The following PDE8A variants were observed in gnomAD, a reference collection of about 807,000 sequenced individuals.
PDE8A encodes the protein phosphodiesterase 8A, also known as high affinity cAMP-specific and IBMX-insensitive 3',5'-cyclic phosphodiesterase 8A.
Under a neutral mutation model 105.0 loss-of-function variants are expected in PDE8A, and 59 were observed. The ratio of observed to expected loss-of-function variants is 0.56; its 90% CI spans 0.46 to 0.70. The LOEUF (loss-of-function observed/expected upper bound fraction) is 0.70, where lower values mean the gene tolerates loss of function less well. Among genes scored for constraint, PDE8A ranks in the 30% least tolerant of loss-of-function variants. The pLI is 0.00. For synonymous variants in PDE8A, 355 were observed against 371.9 expected (o/e 0.95, Z 0.52); for missense variants, 1,014 against 1,045.9 (o/e 0.97, Z 0.42).
At chr15:85,043,680 TTTTGTTTGTTTGTTTGTTTG>T (rs148058433) in intron 1 of PDE8A, among the ~76,000 whole-genome samples, 5 of 150,122 alleles carry the variant, frequency 3.3e-5, no homozygotes, top group Non-Finnish European at 7.4e-5. Flanking sequence ...ATTAATGGTT[TTTTGTTTGTTTGTTTGTTTG>T]TTTGTTTGTT....
chr15:85,072,165 C>G (rs548857733), intron 3 of PDE8A, among the ~76,000 whole-genome samples: 2 of 152,290 alleles, frequency 1.3e-5, no homozygotes, highest in African/African-American at 4.8e-5. Flanking sequence ...CATTATAAAT[C>G]CCATTCTTTT....
chr15:85,130,520 C>G (rs890023243), intron 20 of PDE8A, among the ~76,000 whole-genome samples: 5 of 152,004 alleles, frequency 3.3e-5, no homozygotes, highest in Non-Finnish European at 7.4e-5. Flanking sequence ...TCCATTTGCA[C>G]TTGAGAAAAA....
chr15:85,036,019 CA>C (rs1376043653), intron 1 of PDE8A, among the ~76,000 whole-genome samples: 6 of 152,060 alleles, frequency 3.9e-5, no homozygotes, highest in African/African-American at 1.2e-4. Flanking sequence ...CTGACAACAC[CA>C]AAAAACAGTC....
At position 85,127,763 on chromosome 15, in the gene PDE8A, A is replaced by AATGCAATCCCAATC. The variant is rs1330145804; in HGVS notation, c.2253+1390_2253+1391insTGCAATCCCAATCA. On this transcript the variant is annotated intron_variant, in intron 20 of 21. Coordinates refer to ENST00000394553, the MANE Select transcript of PDE8A (RefSeq NM_002605.3). ...TCTACCCAAATTGGTGTTTCAATTC[A>AATGCAATCCCAATC]AAAATTTCAGCAGGTTTTTTTTCTG... Among the ~76,000 whole-genome samples the AATGCAATCCCAATC allele has an allele frequency of 4.6e-5, 7 of 152,212 alleles. No individual in the cohort carries two copies. In the East Asian group the frequency reaches 9.6e-4, roughly 21 times the overall value.
intron 1 of PDE8A, among the ~76,000 whole-genome samples, 186 bp downstream of exon 1, chr15:84,982,534 A>T (rs534456032): frequency 6.6e-6 from 1 of 152,134 alleles, no homozygotes; most frequent in Non-Finnish European, 1.5e-5. Context: ...GGACCGACCC[A>T]GGTCCCGCGA....
At chr15:85,082,482 A>G (rs1328064355) in intron 5 of PDE8A, among the ~76,000 whole-genome samples, 2 of 152,144 alleles carry the variant, frequency 1.3e-5, no homozygotes, top group Non-Finnish European at 2.9e-5. Context: ...GGTGCCTCAT[A>G]TACAATCATA....
chr15:85,099,278 G>T (rs920766615), intron 9 of PDE8A, among the ~76,000 whole-genome samples: 1 of 152,212 alleles, frequency 6.6e-6, no homozygotes, highest in Non-Finnish European at 1.5e-5. Flanking sequence ...CTAGCCCAGG[G>T]GTCCAGCTGC....
chr15:85,103,957 C>T (rs140222450), intron 11 of PDE8A, among the ~76,000 whole-genome samples: 2,155 of 152,328 alleles, frequency 0.014, 55 homozygotes, highest in Admixed American at 0.063. Context: ...CCTTCTCCCT[C>T]CCCTACTGAG....
chr15:85,051,919 C>T (rs528556065), intron 1 of PDE8A, among the ~76,000 whole-genome samples: 209 of 152,120 alleles, frequency 1.4e-3, no homozygotes, highest in African/African-American at 2.2e-3. Flanking sequence ...TGTGCTGCAC[C>T]CGTTAACTCA....
chr15:85,057,859 C>G (rs936425892), intron 1 of PDE8A, among the ~76,000 whole-genome samples: 1 of 152,142 alleles, frequency 6.6e-6, no homozygotes, highest in Non-Finnish European at 1.5e-5. Flanking sequence ...TTTCATATGT[C>G]AATACATCCT....
At chr15:85,047,992 G>T (rs1002197874) in intron 1 of PDE8A, among the ~76,000 whole-genome samples, 3 of 152,096 alleles carry the variant, frequency 2.0e-5, no homozygotes, top group East Asian at 1.9e-4. Context: ...AAAGCTTAGT[G>T]TACTTATTTT....
chr15:85,070,433 G>C (rs2081294071), intron 3 of PDE8A, among the ~76,000 whole-genome samples: 1 of 152,210 alleles, frequency 6.6e-6, no homozygotes, highest in East Asian at 1.9e-4. Flanking sequence ...AGTTAGCAGG[G>C]AAAGTGAGTG....
intron 1 of PDE8A, among the ~76,000 whole-genome samples, chr15:85,038,241 G>T (rs1040090524): frequency 8.5e-6 from 1 of 117,964 alleles, no homozygotes; most frequent in Admixed American, 9.0e-5. Context: ...GTGTGTGTGT[G>T]TGTGTGTGTG....
At chr15:85,036,015 A>C (rs17611396) in intron 1 of PDE8A, among the ~76,000 whole-genome samples, 19,689 of 152,282 alleles carry the variant, frequency 0.13, 1,700 homozygotes, top group Middle Eastern at 0.21. Context: ...GAAACTGACA[A>C]CACCAAAAAA....
At chr15:84,995,369 C>CA (rs759441795) in intron 1 of PDE8A, among the ~76,000 whole-genome samples, 18 of 151,010 alleles carry the variant, frequency 1.2e-4, no homozygotes, top group Non-Finnish European at 2.6e-4. Context: ...GACTGGAGTG[C>CA]AGTGCTGTGA....
At chr15:85,013,548 TTGTC>T (rs1373740423) in intron 1 of PDE8A, among the ~76,000 whole-genome samples, 4 of 152,366 alleles carry the variant, frequency 2.6e-5, no homozygotes, top group African/African-American at 9.6e-5. Flanking sequence ...GTTTAAAGGA[TTGTC>T]TGTAATTACT....
chr15:85,043,712 T>TTTG (rs2080846646), intron 1 of PDE8A, among the ~76,000 whole-genome samples: 1 of 149,098 alleles, frequency 6.7e-6, no homozygotes, highest in African/African-American at 2.5e-5. Flanking sequence ...TTGTTTGTTT[T>TTTG]TTTGAGGCAG....
At chr15:85,063,586 C>T (rs1487836641) in intron 1 of PDE8A, 1 of 152,194 alleles carries the variant, frequency 6.6e-6, no homozygotes, top group Non-Finnish European at 1.5e-5. Flanking sequence ...CTAAACAAAC[C>T]TGGGTGGAAT....
At chr15:84,988,815 T>G (rs998095700) in intron 1 of PDE8A, among the ~76,000 whole-genome samples, 6 of 152,238 alleles carry the variant, frequency 3.9e-5, no homozygotes, top group Non-Finnish European at 7.3e-5. Context: ...CTGGATTATA[T>G]GCTGCTTGAG....
Sources: allele counts gnomAD v4.1 joint callset (sites outside exome capture counted in the v4.1 genomes callset), GRCh38; gene constraint gnomAD v4.1.1; transcripts MANE v1.5; gene names NCBI Gene and HGNC (gene_info 2026-07-23, HGNC 2026-07-21).